Variants in SUCLA2 observed in about 807,000 individuals in gnomAD.
The protein encoded by SUCLA2 is succinate--CoA ligase [ADP-forming] subunit beta, mitochondrial.
A neutral mutation model predicts 54.8 loss-of-function variants in SUCLA2; 30 were observed. The observed-to-expected ratio is 0.55, with a 90% CI of 0.41 to 0.74. The LOEUF (loss-of-function observed/expected upper bound fraction) is 0.74, where lower values mean the gene tolerates loss of function less well. Ranked by LOEUF, SUCLA2 falls within the 30% of genes least tolerant of loss-of-function variation. The pLI, the probability that SUCLA2 is intolerant of heterozygous loss-of-function variation, is 0.00. For synonymous variants in SUCLA2, 172 were observed against 188.9 expected (o/e 0.91, Z 0.74); for missense variants, 476 against 562.9 (o/e 0.85, Z 1.56).
chr13:47,979,772 C>G (rs924215627), intron 4 of SUCLA2, among the ~76,000 whole-genome samples: 12 of 152,082 alleles, frequency 7.9e-5, no homozygotes, highest in African/African-American at 2.7e-4. Context: ...CACTAGATGT[C>G]CTAGACACAG....
At position 47,964,653 on chromosome 13, in the gene SUCLA2, C is replaced by G. The variant is rs374304550; in HGVS notation, c.802+3942G>C. Among the ~76,000 whole-genome samples the G allele has an allele frequency of 1.4e-3, 220 of 152,068 alleles. 2 individuals are homozygous for G. Among genetic ancestry groups the G allele is most frequent in the Middle Eastern group, 6.8e-3 (2 of 294 alleles). ...CGGGCGGATCACAAGGCCAGGAGAT[C>G]GAGACCATCCTGGCTAACACGGTGA... On this transcript the variant is annotated intron_variant, in intron 6 of 10. Transcript: ENST00000646932.
At chr13:47,982,516 G>A (rs6561422) in intron 4 of SUCLA2, among the ~76,000 whole-genome samples, 1 of 152,032 alleles carries the variant, frequency 6.6e-6, no homozygotes, top group Non-Finnish European at 1.5e-5. Context: ...AAAAGATTTG[G>A]ATATCTGTTC....
intron 2 of SUCLA2, among the ~76,000 whole-genome samples, chr13:47,996,450 A>G (rs914301774): frequency 2.0e-5 from 3 of 151,780 alleles, no homozygotes; most frequent in Non-Finnish European, 2.9e-5. Context: ...GGAAGCACGG[A>G]CCTCTCCTTA....
At chr13:47,976,045 G>A (rs745333291) in intron 4 of SUCLA2, among the ~76,000 whole-genome samples, 5 of 152,064 alleles carry the variant, frequency 3.3e-5, no homozygotes, top group Non-Finnish European at 7.4e-5. Flanking sequence ...CTGGGAGTTC[G>A]AGACCAGCCT....
At chr13:47,992,307 T>C (rs1950155842) in intron 2 of SUCLA2, among the ~76,000 whole-genome samples, 1 of 151,432 alleles carries the variant, frequency 6.6e-6, no homozygotes, top group African/African-American at 2.4e-5. Flanking sequence ...TTTCCTTTCT[T>C]TAGGAATATA....
At chr13:47,965,502 AAAAAACAAACAAAC>A (rs1341503203) in intron 6 of SUCLA2, 35 of 390,892 alleles carry the variant, frequency 9.0e-5, no homozygotes, top group African/African-American at 4.8e-4. Flanking sequence ...TTTAAAAAAA[AAAAAACAAACAAAC>A]AAAAAAAAAA....
In SUCLA2 at chr13:47,954,496, G is replaced by C. The variant is rs1481208397; in HGVS notation, c.864C>G (p.Ile288Met). The C allele has an allele frequency of 1.2e-6, 2 of 1,613,746 alleles. No individual in the cohort carries two copies. Among genetic ancestry groups the C allele is most frequent in the Non-Finnish European group, 1.7e-6 (2 of 1,179,848 alleles). The change falls in exon 7 of 11, where the codon ATC (isoleucine) becomes ATG (methionine). Residue 288 changes from isoleucine (I) to methionine (M), a missense_variant. By Grantham distance (10) the Ile-to-Met change is conservative (BLOSUM62 1). This residue lies in a region of SUCLA2 where 342 missense variants were observed against 444.2 expected (regional missense o/e 0.77). Transcript: ENST00000646932. ...DSNSAYRQKK[I>M]FDLQDWTQED... is the part of the protein sequence containing the mutation. ...CCTGGGTCCAGTCCTGTAGATCAAA[G>C]ATTTTCTTTTGGCGATAGGCTGAAT...
intron 2 of SUCLA2, among the ~76,000 whole-genome samples, chr13:47,994,140 T>C (rs1157035993): frequency 6.6e-6 from 1 of 151,792 alleles, no homozygotes; most frequent in Admixed American, 6.6e-5. Context: ...AAAATCACCC[T>C]GAAGTAATGA....
intron 2 of SUCLA2, among the ~76,000 whole-genome samples, chr13:47,994,149 G>A (rs1056300189): frequency 5.3e-5 from 8 of 151,828 alleles, no homozygotes; most frequent in African/African-American, 1.9e-4. Context: ...CTGAAGTAAT[G>A]AAAACTCAGC....
chr13:47,976,938 C>T (rs753662871), intron 4 of SUCLA2, among the ~76,000 whole-genome samples: 1 of 150,670 alleles, frequency 6.6e-6, no homozygotes, highest in Non-Finnish European at 1.5e-5. Flanking sequence ...ATAACTAAAC[C>T]CAAAGTTGGC....
intron 4 of SUCLA2, among the ~76,000 whole-genome samples, chr13:47,986,803 T>C (rs1950108273): frequency 6.6e-6 from 1 of 152,216 alleles, no homozygotes; most frequent in Admixed American, 6.5e-5. Flanking sequence ...AAATAGGAAA[T>C]CCTTTCCCCA....
At chr13:47,948,054 C>T (rs1208059297) in intron 10 of SUCLA2, among the ~76,000 whole-genome samples, 1 of 152,064 alleles carries the variant, frequency 6.6e-6, no homozygotes, top group African/African-American at 2.4e-5. Context: ...ACCATTACCC[C>T]ACCTAAAACA....
At chr13:47,971,969 G>T in intron 5 of SUCLA2, 1 of 398,012 alleles carries the variant, frequency 2.5e-6, no homozygotes, top group South Asian at 1.3e-4. Context: ...ACAATGAAGG[G>T]ACCGGACGCG....
chr13:48,000,223 C>T, intron 1 of SUCLA2, among the ~76,000 whole-genome samples: 1 of 151,818 alleles, frequency 6.6e-6, no homozygotes, highest in East Asian at 1.9e-4. Flanking sequence ...GAAAAAAACC[C>T]AAAACTCTGG....
At chr13:47,960,562 T>G (rs1252671550) in intron 6 of SUCLA2, among the ~76,000 whole-genome samples, 9 of 152,156 alleles carry the variant, frequency 5.9e-5, no homozygotes, top group Admixed American at 3.3e-4. Flanking sequence ...AGAAAAACTG[T>G]GATGTGGGTA....
chr13:47,999,606 C>A (rs960486854), intron 1 of SUCLA2, among the ~76,000 whole-genome samples: 1 of 151,746 alleles, frequency 6.6e-6, no homozygotes, highest in Non-Finnish European at 1.5e-5. Context: ...ACTAGGGAGG[C>A]TGAGGCAGGA....
intron 2 of SUCLA2, 72 bp downstream of exon 2, chr13:47,996,771 A>T (rs1950194751): frequency 6.6e-7 from 1 of 1,510,044 alleles, no homozygotes; most frequent in Non-Finnish European, 9.1e-7. Context: ...GTTGTTATCA[A>T]ACCAAAAACA....
rs1593477375 is a variant in SUCLA2, at chr13:47,949,588, C to A, written c.1123G>T (p.Val375Phe). The change falls in exon 9 of 11, where the codon GTC becomes TTC. Residue 375 changes from valine (V) to phenylalanine (F), a missense_variant. Physicochemically the swap from Val to Phe is conservative, Grantham distance 50. This residue lies in a region of SUCLA2 where 342 missense variants were observed against 444.2 expected (regional missense o/e 0.77). Coordinates refer to ENST00000646932, the MANE Select transcript of SUCLA2 (RefSeq NM_003850.3). ...TSDKKVLAIL[V>F]NIFGGIMRCD... The stretch of plus-strand genomic sequence containing the variant: ...CGCATGATTCCTCCAAAAATGTTGA[C>A]CAGAATAGCCAGTACCTATGAATAA... 6.2e-7 allele frequency: 1 copy of A among 1,613,148 alleles called. No individual in the cohort carries two copies. Among genetic ancestry groups the A allele is most frequent in the Non-Finnish European group, 8.5e-7 (1 of 1,179,516 alleles).
intron 4 of SUCLA2, among the ~76,000 whole-genome samples, chr13:47,974,068 C>T (rs200888179): frequency 6.9e-6 from 1 of 144,930 alleles, no homozygotes; most frequent in African/African-American, 2.5e-5. Flanking sequence ...GCACATGTAT[C>T]CCAGAACTTA....
Sources: gnomAD v4.1 joint callset for allele counts (sites outside exome capture counted in the v4.1 genomes callset) on GRCh38, gnomAD v4.1.1 for gene constraint, gnomAD v4.1.1 regional missense constraint, MANE v1.5 for transcripts, NCBI Gene and HGNC (gene_info 2026-07-23, HGNC 2026-07-21) for gene names.